OLA1: variants seen among roughly 807,000 people sequenced by gnomAD.
OLA1 encodes the protein obg-like ATPase 1.
OLA1 carries 14 observed loss-of-function variants against 48.4 expected under a neutral mutation model. The observed-to-expected ratio is 0.29, with a 90% CI of 0.19 to 0.45. OLA1 has a LOEUF of 0.45. OLA1 is among the 20% of genes least tolerant of loss of function. The pLI, the probability that OLA1 is intolerant of heterozygous loss-of-function variation, is 1.00. For synonymous variants in OLA1, 127 were observed against 150.4 expected, an observed-to-expected ratio of 0.84 and a Z score of 1.14; for missense variants, 325 against 467.1, an observed-to-expected ratio of 0.70 and a Z score of 2.80.
At chr2:174,226,778 C>A (rs192326917) in intron 3 of OLA1, among the ~76,000 whole-genome samples, 33 of 152,278 alleles carry the variant, frequency 2.2e-4, no homozygotes, top group African/African-American at 7.9e-4. Context: ...GGATCACAGG[C>A]TTGAGCCACT....
At chr2:174,103,275 T>C (rs770900677) in intron 7 of OLA1, among the ~76,000 whole-genome samples, 12 of 152,148 alleles carry the variant, frequency 7.9e-5, no homozygotes, top group Non-Finnish European at 1.5e-4. Context: ...CTGTAGGCTT[T>C]TAAATGACTT....
intron 4 of OLA1, among the ~76,000 whole-genome samples, chr2:174,178,568 ATTG>A (rs1405099769): frequency 6.6e-6 from 1 of 152,008 alleles, no homozygotes; most frequent in Admixed American, 6.6e-5. Flanking sequence ...ATATGATCAA[ATTG>A]TTACTACTTT....
chr2:174,108,050 A>C (rs1038891777), intron 7 of OLA1, among the ~76,000 whole-genome samples: 1 of 152,150 alleles, frequency 6.6e-6, no homozygotes, highest in African/African-American at 2.4e-5. Flanking sequence ...TTTGAAAGGA[A>C]ATTTTAAGAG....
chr2:174,077,342 A>G (rs1352558012), intron 10 of OLA1, among the ~76,000 whole-genome samples: 1 of 151,728 alleles, frequency 6.6e-6, no homozygotes, highest in East Asian at 1.9e-4. Context: ...ACATACATAC[A>G]TACATACATA....
intron 5 of OLA1, among the ~76,000 whole-genome samples, chr2:174,127,710 T>C (rs1005163805): frequency 6.6e-6 from 1 of 152,146 alleles, no homozygotes; most frequent in African/African-American, 2.4e-5. Flanking sequence ...GTGACTTTGA[T>C]GGCAATACTC....
chr2:174,118,006 G>A (rs890807981), intron 7 of OLA1, among the ~76,000 whole-genome samples: 1 of 152,120 alleles, frequency 6.6e-6, no homozygotes, highest in Non-Finnish European at 1.5e-5. Context: ...GTGAGGCACG[G>A]CTGGGGAGGC....
chr2:174,127,831 T>C (rs1456736874), intron 5 of OLA1, among the ~76,000 whole-genome samples: 1 of 152,042 alleles, frequency 6.6e-6, no homozygotes, highest in African/African-American at 2.4e-5. Flanking sequence ...GCACTGAAAA[T>C]TTCTCTATCC....
At chr2:174,183,690 G>GC (rs1020743442) in intron 4 of OLA1, among the ~76,000 whole-genome samples, 119 of 152,292 alleles carry the variant, frequency 7.8e-4, no homozygotes, top group African/African-American at 2.8e-3. Flanking sequence ...AAAGTGTTAA[G>GC]CAAGTCAAAA....
chr2:174,122,926 C>G (rs954456791), intron 7 of OLA1, among the ~76,000 whole-genome samples: 1 of 152,066 alleles, frequency 6.6e-6, no homozygotes, highest in African/African-American at 2.4e-5. Context: ...GTCTAATAAA[C>G]TTACATTTGA....
intron 4 of OLA1, among the ~76,000 whole-genome samples, chr2:174,176,000 C>A (rs1351427840): frequency 6.6e-6 from 1 of 151,866 alleles, no homozygotes; most frequent in Admixed American, 6.6e-5. Flanking sequence ...CAATAGAAAG[C>A]AGATCAGTGA....
Position 174,081,950 on chromosome 2 carries a change from C to A in OLA1, c.843G>T (p.Lys281Asn), listed in dbSNP as rs1404951167. Reference protein sequence around the residue: ...LQELSAEERQKYLEANMTQSA... With the variant: ...LQELSAEERQNYLEANMTQSA... ...TTTGTGTCATGTTCGCTTCCAGATACTTCTGTCTCTCCTCAGCACTCAATT... is the reference window on the plus strand; with the variant it reads ...TTTGTGTCATGTTCGCTTCCAGATAATTCTGTCTCTCCTCAGCACTCAATT... Residue 281 changes from lysine to asparagine, a missense_variant, in exon 8 of 11, where the codon AAG becomes AAT. Coordinates refer to ENST00000284719, the MANE Select transcript of OLA1 (RefSeq NM_013341.5). 6.2e-7 allele frequency: 1 copy of A among 1,612,542 alleles called. No homozygotes were observed. Among genetic ancestry groups the A allele is most frequent in the Middle Eastern group, 1.8e-4 (1 of 5,548 alleles).
At position 174,237,707 on chromosome 2, in the gene OLA1, T is replaced by C. The variant is rs147745764; in HGVS notation, c.102-8256A>G. On this transcript the variant is annotated intron_variant, in intron 2 of 10. Transcript: ENST00000284719. ...AGCTCTAGGCTGCAGTAAGCTATGA[T>C]CAGGCAACTACACTCCAGCCTGGGC... Among the ~76,000 whole-genome samples, 92 of 152,278 alleles carry C rather than the reference T, an allele frequency of 6.0e-4. 1 individual carries two copies. The East Asian group carries it at 0.017, about 28-fold the overall frequency.
chr2:174,094,346 T>C (rs1305690591), intron 7 of OLA1, among the ~76,000 whole-genome samples: 1 of 152,230 alleles, frequency 6.6e-6, no homozygotes, highest in Non-Finnish European at 1.5e-5. Context: ...AATCTTAACA[T>C]GGCAACGTTC....
intron 4 of OLA1, among the ~76,000 whole-genome samples, chr2:174,185,715 G>A (rs541751190): frequency 6.6e-6 from 1 of 152,250 alleles, no homozygotes; most frequent in South Asian, 2.1e-4. Flanking sequence ...ATCATCTGAG[G>A]TCAGGAGTTC....
intron 7 of OLA1, among the ~76,000 whole-genome samples, chr2:174,089,651 C>T (rs1275328417): frequency 6.6e-6 from 1 of 152,130 alleles, no homozygotes. Flanking sequence ...CCTGTAATCC[C>T]AGGACTTTGG....
At chr2:174,108,107 T>G (rs1315307207) in intron 7 of OLA1, among the ~76,000 whole-genome samples, 1 of 152,122 alleles carries the variant, frequency 6.6e-6, no homozygotes, top group African/African-American at 2.4e-5. Flanking sequence ...CTCAAAGAAC[T>G]ATGTTAAAAT....
At chr2:174,181,904 T>C (rs1687550101) in intron 4 of OLA1, among the ~76,000 whole-genome samples, 1 of 152,196 alleles carries the variant, frequency 6.6e-6, no homozygotes, top group South Asian at 2.1e-4. Context: ...TGAAACACCT[T>C]GTTTATTGTC....
At chr2:174,235,310 A>G (rs375954046) in intron 2 of OLA1, among the ~76,000 whole-genome samples, 1 of 152,308 alleles carries the variant, frequency 6.6e-6, no homozygotes, top group East Asian at 1.9e-4. Context: ...AAGAGAAAGT[A>G]AATAAGTCCC....
intron 4 of OLA1, among the ~76,000 whole-genome samples, chr2:174,152,642 T>G (rs928727685): frequency 5.3e-5 from 8 of 152,156 alleles, no homozygotes; most frequent in Non-Finnish European, 7.4e-5. Context: ...TATTTAGATC[T>G]CTGGAGAAAC....
Sources: gnomAD v4.1 joint callset for allele counts (sites outside exome capture counted in the v4.1 genomes callset) on GRCh38, gnomAD v4.1.1 for gene constraint, MANE v1.5 for transcripts, NCBI Gene and HGNC (gene_info 2026-07-23, HGNC 2026-07-21) for gene names.